The following TENM2 variants were observed in gnomAD, a reference collection of about 807,000 sequenced individuals.
The protein encoded by TENM2 is teneurin-2.
A neutral mutation model predicts 245.2 loss-of-function variants in TENM2; 52 were observed. The observed-to-expected ratio is 0.21, with a 90% CI of 0.17 to 0.27. The LOEUF (loss-of-function observed/expected upper bound fraction) is 0.27. Among genes scored for constraint, TENM2 ranks in the 10% least tolerant of loss-of-function variants. The pLI, the probability that TENM2 is intolerant of heterozygous loss-of-function variation, is 1.00. For missense variants in TENM2, 3,046 were observed against 3,666.8 expected, an observed-to-expected ratio of 0.83 and a Z score of 4.37; for synonymous variants, 1,363 against 1,438.9, an observed-to-expected ratio of 0.95 and a Z score of 1.19.
chr5:168,262,428 A>C, exon 29 of TENM2: 1 of 1,578,588 alleles, frequency 6.3e-7, no homozygotes, highest in Non-Finnish European at 8.6e-7. Flanking sequence ...AGCGGGGTGA[A>C]CGTGACCGTG....
At chr5:167,493,128 T>G (rs1768545892) in intron 2 of TENM2, among the ~76,000 whole-genome samples, 1 of 152,010 alleles carries the variant, frequency 6.6e-6, no homozygotes, top group Non-Finnish European at 1.5e-5. Flanking sequence ...GAATCATTCA[T>G]TCAAGAAACC....
intron 2 of TENM2, among the ~76,000 whole-genome samples, chr5:167,612,026 A>G (rs988131016): frequency 6.6e-6 from 1 of 152,094 alleles, no homozygotes; most frequent in Non-Finnish European, 1.5e-5. Context: ...CCGTATTTCC[A>G]CCCTACAAGT....
At position 167,524,894 on chromosome 5, in the gene TENM2, A is replaced by G. The variant is rs540286450; in HGVS notation, c.502+149421A>G. Among the ~76,000 whole-genome samples the G allele has an allele frequency of 2.6e-5, 4 of 151,592 alleles. No homozygotes were observed. The South Asian group carries it at 8.4e-4, about 32-fold the overall frequency. ...GCCAGTTCTCTCTATTACAAATTAA[A>G]CTCTCATCCCACCTGGAAGAAGTTA... is the stretch of plus-strand genomic sequence containing the variant. On this transcript the variant is annotated intron_variant, in intron 2 of 28. Coordinates refer to ENST00000518659, the Ensembl canonical transcript of TENM2.
At chr5:167,820,483 AGGACCTTGGCAGGTT>A (rs1767430655) in intron 2 of TENM2, among the ~76,000 whole-genome samples, 1 of 152,212 alleles carries the variant, frequency 6.6e-6, no homozygotes. Context: ...AACTGCAGCC[AGGACCTTGGCAGGTT>A]GGATGTGCCA....
chr5:167,780,339 G>C (rs1043404287), intron 2 of TENM2, among the ~76,000 whole-genome samples: 1 of 152,130 alleles, frequency 6.6e-6, no homozygotes, highest in Non-Finnish European at 1.5e-5. Flanking sequence ...TGCACAGAGC[G>C]GTAAAAATCT....
At chr5:167,939,496 A>ATCT (rs1778999099) in intron 3 of TENM2, among the ~76,000 whole-genome samples, 2 of 152,214 alleles carry the variant, frequency 1.3e-5, no homozygotes, top group Non-Finnish European at 2.9e-5. Context: ...ACTCTATCCA[A>ATCT]GCTCTATTTC....
chr5:167,172,558 T>C, the TENM2 span, among the ~76,000 whole-genome samples: 1 of 152,202 alleles, frequency 6.6e-6, no homozygotes, highest in Admixed American at 6.5e-5. Context: ...ATAGTGGTGG[T>C]TTCAGGGCAG....
At chr5:167,448,533 G>A (rs2127470959) in intron 2 of TENM2, among the ~76,000 whole-genome samples, 1 of 147,862 alleles carries the variant, frequency 6.8e-6, no homozygotes, top group East Asian at 2.0e-4. Context: ...TGTTAGGTAA[G>A]CATATGCTGC....
intron 2 of TENM2, among the ~76,000 whole-genome samples, chr5:167,736,533 A>C (rs1379830980): frequency 6.6e-6 from 1 of 152,100 alleles, no homozygotes; most frequent in African/African-American, 2.4e-5. Context: ...TATATTGCTC[A>C]CTTCTTTGGG....
chr5:167,286,984 T>A (rs1258040471), intron 1 of TENM2, among the ~76,000 whole-genome samples: 1 of 152,246 alleles, frequency 6.6e-6, no homozygotes, highest in Non-Finnish European at 1.5e-5. Flanking sequence ...CGCATGTTGT[T>A]ATTGAGCCCA....
chr5:167,712,374 G>C (rs1005285665), intron 2 of TENM2, among the ~76,000 whole-genome samples: 1 of 152,102 alleles, frequency 6.6e-6, no homozygotes, highest in African/African-American at 2.4e-5. Flanking sequence ...CCAGATTTCA[G>C]AAATATGAAT....
chr5:167,744,616 A>G (rs981350731), intron 2 of TENM2, among the ~76,000 whole-genome samples: 2 of 152,138 alleles, frequency 1.3e-5, no homozygotes, highest in Admixed American at 1.3e-4. Flanking sequence ...GGAAAGGTGC[A>G]TTGTGACATT....
chr5:167,795,248 A>G (rs1765237349), intron 2 of TENM2, among the ~76,000 whole-genome samples: 1 of 152,166 alleles, frequency 6.6e-6, no homozygotes, highest in Admixed American at 6.6e-5. Flanking sequence ...GGTTGTAGAA[A>G]GATTAATGTG....
Position 168,256,427 on chromosome 5 carries a change from C to CTT in TENM2, c.7433-3841_7433-3840dup, listed in dbSNP as rs564590839. Among the ~76,000 whole-genome samples the CTT allele has an allele frequency of 2.9e-3, 383 of 133,782 alleles. 2 individuals carry two copies. The highest frequency in any genetic ancestry group is 0.013 in the South Asian group (53 of 4,154). 87.8% of individuals were successfully genotyped at this position (133,782 alleles called of 152,430 possible). A position where few individuals can be genotyped will look rare whatever the true frequency, so the allele number is the denominator to read the frequency against. On this transcript the variant is annotated intron_variant, in intron 27 of 28. Transcript: ENST00000518659. ...TTTAAGGGAATTTCAAACTTGTATTCTTTTTTTTTTTTTTTTGAGACGGAG... is the reference window on the plus strand; with the variant it reads ...TTTAAGGGAATTTCAAACTTGTATTCTTTTTTTTTTTTTTTTTTGAGACGGAG...
intron 2 of TENM2, among the ~76,000 whole-genome samples, chr5:167,541,735 A>G (rs1772225346): frequency 6.6e-6 from 1 of 152,150 alleles, no homozygotes; most frequent in Admixed American, 6.5e-5. Flanking sequence ...TATCTCTGAT[A>G]CCTCCAAGGA....
chr5:167,310,276 A>T (rs1184173485), intron 1 of TENM2, among the ~76,000 whole-genome samples: 9 of 152,136 alleles, frequency 5.9e-5, no homozygotes, highest in Admixed American at 5.9e-4. Context: ...TTTATTTGCA[A>T]TTTTTTGCTT....
the TENM2 span, among the ~76,000 whole-genome samples, chr5:167,100,664 C>T: frequency 2.7e-5 from 4 of 149,806 alleles, no homozygotes; most frequent in African/African-American, 9.9e-5. Flanking sequence ...ACCTGGTGCC[C>T]GGGAAGCAAA....
chr5:167,902,201 C>T (rs916329993), intron 3 of TENM2, among the ~76,000 whole-genome samples: 4 of 152,248 alleles, frequency 2.6e-5, no homozygotes, highest in African/African-American at 9.6e-5. Flanking sequence ...GGCATGTACC[C>T]TCTGTCCCAA....
chr5:167,731,246 T>C (rs963158534), intron 2 of TENM2, among the ~76,000 whole-genome samples: 7 of 151,300 alleles, frequency 4.6e-5, no homozygotes, highest in Non-Finnish European at 8.8e-5. Context: ...CAATTTTAGC[T>C]GTATCAATAG....
Sources: gnomAD v4.1 joint callset for allele counts (sites outside exome capture counted in the v4.1 genomes callset) on GRCh38, gnomAD v4.1.1 for gene constraint, MANE v1.5 for transcripts, NCBI Gene and HGNC (gene_info 2026-07-23, HGNC 2026-07-21) for gene names.